The following PCDH7 variants were observed in gnomAD, a reference collection of about 807,000 sequenced individuals.
The protein encoded by PCDH7 is protocadherin 7.
A neutral mutation model predicts 58.9 loss-of-function variants in PCDH7; 17 were observed. The ratio of observed to expected loss-of-function variants is 0.29; its 90% CI spans 0.20 to 0.43. The LOEUF (loss-of-function observed/expected upper bound fraction) is 0.43, where lower values mean the gene tolerates loss of function less well. PCDH7 is among the 20% of genes least tolerant of loss of function. PCDH7 has a pLI of 1.00. For synonymous variants in PCDH7, 664 were observed against 616.4 expected (o/e 1.08, Z -1.14); for missense variants, 1,274 against 1,441.0 (o/e 0.88, Z 1.88).
chr4:31,028,733 A>G (rs904714832), intron 3 of PCDH7, among the ~76,000 whole-genome samples: 1 of 152,196 alleles, frequency 6.6e-6, no homozygotes, highest in Admixed American at 6.5e-5. Context: ...TTAACCTTAC[A>G]TGAGCTACAG....
At chr4:30,966,280 T>C (rs1221272011) in intron 3 of PCDH7, among the ~76,000 whole-genome samples, 1 of 152,202 alleles carries the variant, frequency 6.6e-6, no homozygotes, top group Non-Finnish European at 1.5e-5. Context: ...ATTTCAACTT[T>C]GAGTCACACA....
intron 3 of PCDH7, among the ~76,000 whole-genome samples, chr4:31,043,038 C>G (rs1328733062): frequency 3.3e-5 from 5 of 152,012 alleles, no homozygotes; most frequent in African/African-American, 1.2e-4. Flanking sequence ...AACCAACTCA[C>G]TCTCATGATA....
chr4:30,731,361 GTA>G (rs977162352), exon 2 of PCDH7: 3,549 of 149,746 alleles, frequency 0.024, 56 homozygotes, highest in Non-Finnish European at 0.035. Context: ...GTGTGTGTGT[GTA>G]TATATATATA....
intron 1 of PCDH7, among the ~76,000 whole-genome samples, chr4:30,871,589 G>A (rs1735596654): frequency 1.3e-5 from 2 of 152,036 alleles, no homozygotes; most frequent in South Asian, 2.1e-4. Flanking sequence ...ACAAAGTGTC[G>A]ATGATCAGCT....
chr4:30,786,024 A>T (rs1201979523), intron 1 of PCDH7, among the ~76,000 whole-genome samples: 1 of 152,110 alleles, frequency 6.6e-6, no homozygotes, highest in Non-Finnish European at 1.5e-5. Flanking sequence ...ACACTATTTA[A>T]AACTGACATT....
At chr4:30,729,728 G>A (rs1397694334) in intron 1 of PCDH7, among the ~76,000 whole-genome samples, 1 of 151,924 alleles carries the variant, frequency 6.6e-6, no homozygotes, top group Non-Finnish European at 1.5e-5. Context: ...CTGGGCTTGT[G>A]TGCATTTTAT....
At chr4:30,935,686 C>T (rs559393688) in intron 2 of PCDH7, among the ~76,000 whole-genome samples, 93 of 152,138 alleles carry the variant, frequency 6.1e-4, no homozygotes, top group African/African-American at 2.1e-3. Context: ...TACAGACAAC[C>T]GTCAAATATT....
chr4:30,824,136 TTTCTTTCTTTCTTTCTTTCTTTC>T (rs1164438154), intron 1 of PCDH7, among the ~76,000 whole-genome samples: 6 of 148,974 alleles, frequency 4.0e-5, no homozygotes, highest in African/African-American at 1.5e-4. Flanking sequence ...TCTTTCTTTC[TTTCTTTCTTTCTTTCTTTCTTTC>T]TTTTTGCTTC....
At chr4:31,028,752 G>A (rs1272660477) in intron 3 of PCDH7, among the ~76,000 whole-genome samples, 1 of 151,948 alleles carries the variant, frequency 6.6e-6, no homozygotes, top group African/African-American at 2.4e-5. Flanking sequence ...AGTTCTTCAT[G>A]ATGGATAATG....
intron 3 of PCDH7, among the ~76,000 whole-genome samples, chr4:31,128,742 G>A (rs1298177688): frequency 6.6e-6 from 1 of 152,122 alleles, no homozygotes; most frequent in African/African-American, 2.4e-5. Flanking sequence ...TCTACTGACA[G>A]CACCCTGCTC....
intron 3 of PCDH7, among the ~76,000 whole-genome samples, chr4:31,002,001 G>A (rs114045941): frequency 0.012 from 1,864 of 152,130 alleles, 16 homozygotes; most frequent in Admixed American, 0.015. Context: ...GATCAAATAC[G>A]CTGAGCCAAT....
intron 3 of PCDH7, among the ~76,000 whole-genome samples, chr4:31,032,907 T>A (rs1369285751): frequency 6.6e-6 from 1 of 152,162 alleles, no homozygotes; most frequent in African/African-American, 2.4e-5. Context: ...ATAGATTTTG[T>A]GCAGTAACTT....
intron 1 of PCDH7, among the ~76,000 whole-genome samples, chr4:30,782,724 A>G (rs914464602): frequency 8.5e-5 from 13 of 152,248 alleles, no homozygotes; most frequent in African/African-American, 3.1e-4. Context: ...ATAGAAAAGT[A>G]TGATTGGACA....
chr4:31,142,894 A>C (rs541979996), exon 4 of PCDH7: 1 of 1,296,840 alleles, frequency 7.7e-7, no homozygotes, highest in East Asian at 4.6e-5. Flanking sequence ...TATGAAAAGG[A>C]GAATAAGGGG....
intron 3 of PCDH7, among the ~76,000 whole-genome samples, chr4:31,037,628 A>T (rs918414124): frequency 6.6e-5 from 10 of 152,048 alleles, no homozygotes; most frequent in Admixed American, 2.6e-4. Context: ...GAATATAGAC[A>T]CATGGCTGAT....
At chr4:30,920,563 G>A (rs1043692474) in intron 2 of PCDH7, among the ~76,000 whole-genome samples, 194 bp downstream of exon 2, 1 of 152,012 alleles carries the variant, frequency 6.6e-6, no homozygotes, top group African/African-American at 2.4e-5. Context: ...CACCCAAATT[G>A]CACCATCATT....
chr4:30,756,509 G>A (rs1390380307), intron 1 of PCDH7, among the ~76,000 whole-genome samples: 1 of 152,158 alleles, frequency 6.6e-6, no homozygotes, highest in African/African-American at 2.4e-5. Context: ...TGATGCTAGA[G>A]ACCTTGGTCT....
intron 1 of PCDH7, among the ~76,000 whole-genome samples, chr4:30,919,811 A>G (rs964290292): frequency 6.6e-6 from 1 of 152,146 alleles, no homozygotes; most frequent in Non-Finnish European, 1.5e-5. Context: ...TTGTTTTTTT[A>G]GAGGCCATTT....
At chr4:31,011,548 G>A (rs1283201040) in intron 3 of PCDH7, among the ~76,000 whole-genome samples, 2 of 151,934 alleles carry the variant, frequency 1.3e-5, no homozygotes, top group Non-Finnish European at 2.9e-5. Flanking sequence ...GATAAGACAT[G>A]TTCTAATGTT....
Sources: allele counts gnomAD v4.1 joint callset (sites outside exome capture counted in the v4.1 genomes callset), GRCh38; gene constraint gnomAD v4.1.1; transcripts MANE v1.5; gene names NCBI Gene and HGNC (gene_info 2026-07-23, HGNC 2026-07-21).